The following OXCT1 variants were observed in gnomAD, a reference collection of about 807,000 sequenced individuals.
The protein encoded by OXCT1 is 3-oxoacid CoA-transferase 1.
Under a neutral mutation model 69.6 loss-of-function variants are expected in OXCT1, and 27 were observed. The ratio of observed to expected loss-of-function variants is 0.39; its 90% CI spans 0.29 to 0.54. The LOEUF is 0.54. Among genes scored for constraint, OXCT1 ranks in the 20% least tolerant of loss-of-function variants. The probability of loss-of-function intolerance (pLI) is 0.72; values close to 1 mark genes in which losing one functional copy is unlikely to be tolerated. For synonymous variants in OXCT1, 202 were observed against 217.8 expected (o/e 0.93, Z 0.64); for missense variants, 437 against 650.2 (o/e 0.67, Z 3.57).
At position 41,741,089 on chromosome 5, in the gene OXCT1, T is replaced by C. The variant is rs970220810; in HGVS notation, c.1420-1598A>G. On this transcript the variant is annotated intron_variant, in intron 15 of 16. Coordinates refer to ENST00000196371, the MANE Select transcript of OXCT1 (RefSeq NM_000436.4). The stretch of plus-strand genomic sequence containing the variant: ...CCTCAGCCTCCTGAGTAGCTGGGAT[T>C]ACAGGCATGCCCCACCACATCCAGC... Among the ~76,000 whole-genome samples the C allele has an allele frequency of 4.5e-4, 68 of 152,036 alleles. 1 individual carries two copies. The highest frequency in any genetic ancestry group is 8.8e-5 in the Non-Finnish European group (6 of 68,010).
chr5:41,778,652 G>C (rs1477352229), intron 13 of OXCT1, among the ~76,000 whole-genome samples: 1 of 152,188 alleles, frequency 6.6e-6, no homozygotes, highest in African/African-American at 2.4e-5. Flanking sequence ...CTGCTAGTAT[G>C]ATCGAGTGCT....
At chr5:41,843,054 G>A (rs138307801) in intron 5 of OXCT1, among the ~76,000 whole-genome samples, 3 of 152,220 alleles carry the variant, frequency 2.0e-5, no homozygotes, top group African/African-American at 7.2e-5. Context: ...TGGCCTGAGG[G>A]ATAGACTATT....
At position 41,731,546 on chromosome 5, in the gene OXCT1, C is replaced by A. The variant is rs1742625628; in HGVS notation, c.*183G>T. 1 of 1,013,736 alleles carries A rather than the reference C, an allele frequency of 9.9e-7. No homozygotes were observed. The highest frequency in any genetic ancestry group is 1.4e-6 in the Non-Finnish European group (1 of 706,610). The allele number at this position is 1,013,736 out of a possible 1,614,324, so 62.8% of individuals were successfully genotyped here. On this transcript the variant is annotated 3_prime_UTR_variant, in exon 17 of 17. Transcript: ENST00000196371. ...GAGATAATTATAAATGCTCCTTTTG[C>A]TTTTTATTAAAATGTCACAGCATGC...
intron 13 of OXCT1, among the ~76,000 whole-genome samples, chr5:41,764,156 C>G (rs1744484914): frequency 6.6e-6 from 1 of 152,032 alleles, no homozygotes; most frequent in South Asian, 2.1e-4. Flanking sequence ...TATTTTGATT[C>G]TTAAATTTAA....
At chr5:41,847,107 G>A (rs533450514) in intron 5 of OXCT1, among the ~76,000 whole-genome samples, 2,765 of 151,688 alleles carry the variant, frequency 0.018, 86 homozygotes, top group African/African-American at 0.06. Flanking sequence ...TATCACCACC[G>A]ATCCCACAGA....
intron 7 of OXCT1, among the ~76,000 whole-genome samples, chr5:41,819,370 G>T (rs1161615802): frequency 6.6e-6 from 1 of 151,292 alleles, no homozygotes; most frequent in African/African-American, 2.4e-5. Context: ...TCCTTTTTTG[G>T]GGGGGATTGG....
intron 11 of OXCT1, among the ~76,000 whole-genome samples, chr5:41,798,219 A>G (rs1254853402): frequency 1.3e-5 from 2 of 152,170 alleles, no homozygotes; most frequent in African/African-American, 2.4e-5. Context: ...TGGGTACACA[A>G]AAGTATCCTT....
chr5:41,781,437 T>C (rs1160073718), intron 13 of OXCT1, among the ~76,000 whole-genome samples: 1 of 143,702 alleles, frequency 7.0e-6, no homozygotes, highest in East Asian at 2.0e-4. Flanking sequence ...CAGCTGCTGC[T>C]TTTTTTTTTT....
At chr5:41,741,132 A>G (rs547657022) in intron 15 of OXCT1, among the ~76,000 whole-genome samples, 1 of 152,050 alleles carries the variant, frequency 6.6e-6, no homozygotes, top group East Asian at 1.9e-4. Flanking sequence ...TTGTATTTTT[A>G]GTAGAGATGA....
At chr5:41,750,347 C>G (rs1033313429) in intron 14 of OXCT1, among the ~76,000 whole-genome samples, 8 of 151,928 alleles carry the variant, frequency 5.3e-5, no homozygotes, top group African/African-American at 1.9e-4. Flanking sequence ...CCTCCTCCAG[C>G]CCCTCCTCCC....
Position 41,762,152 on chromosome 5 carries a change from C to T in OXCT1, c.1297G>A (p.Ala433Thr). 1.2e-6 allele frequency: 2 copies of T among 1,613,398 alleles called. No homozygotes were observed. The highest frequency in any genetic ancestry group is 1.7e-6 in the Non-Finnish European group (2 of 1,179,484). The change falls in exon 14 of 17, where the codon GCG becomes ACG. Residue 433 changes from alanine to threonine, a missense_variant. Ala to Thr is a moderately conservative substitution (Grantham distance 58, BLOSUM62 0). Coordinates refer to ENST00000196371, the MANE Select transcript of OXCT1 (RefSeq NM_000436.4). This position sits in a 1 kb window ranked among gnomAD's most constrained non-coding sequence, Gnocchi z 4.0. ...MGGAMDLVSS[A>T]KTKVVVTMEH... ...ATGGTGACCACCACTTTGGTTTTCGCACTGGACACTAAATCCATAGCACCT... is the reference window on the plus strand; with the variant it reads ...ATGGTGACCACCACTTTGGTTTTCGTACTGGACACTAAATCCATAGCACCT...
chr5:41,736,516 T>C (rs913465764), intron 16 of OXCT1, among the ~76,000 whole-genome samples: 3 of 152,362 alleles, frequency 2.0e-5, no homozygotes, highest in African/African-American at 7.2e-5. Flanking sequence ...ATTCTTTTTT[T>C]TAACAGTGCC....
At chr5:41,776,365 G>C (rs1039802887) in intron 13 of OXCT1, among the ~76,000 whole-genome samples, 4 of 152,174 alleles carry the variant, frequency 2.6e-5, no homozygotes, top group African/African-American at 7.2e-5. Context: ...TGGAAACTCT[G>C]TACTATCTCT....
chr5:41,781,138 C>T (rs958284343), intron 13 of OXCT1, among the ~76,000 whole-genome samples: 1 of 151,998 alleles, frequency 6.6e-6, no homozygotes, highest in African/African-American at 2.4e-5. Context: ...CTCCTGACCT[C>T]GTGATCTGCC....
chr5:41,869,490 A>G (rs1460725176), intron 1 of OXCT1, among the ~76,000 whole-genome samples: 1 of 152,186 alleles, frequency 6.6e-6, no homozygotes, highest in Non-Finnish European at 1.5e-5. Context: ...CCACGGTGGG[A>G]ATGCCTCCGG....
At chr5:41,794,612 C>T in intron 12 of OXCT1, 65 bp downstream of exon 12, 3 of 1,429,110 alleles carry the variant, frequency 2.1e-6, no homozygotes, top group Admixed American at 3.4e-5. Context: ...CTTGCTAACA[C>T]ACTCAGACGA....
chr5:41,735,098 T>C (rs1205890262), intron 16 of OXCT1, among the ~76,000 whole-genome samples: 1 of 152,176 alleles, frequency 6.6e-6, no homozygotes, highest in Non-Finnish European at 1.5e-5. Context: ...CTGAATTATA[T>C]ATCTAAAAAA....
chr5:41,755,887 G>T (rs987950369), intron 14 of OXCT1, among the ~76,000 whole-genome samples: 1 of 152,148 alleles, frequency 6.6e-6, no homozygotes, highest in African/African-American at 2.4e-5. Context: ...TCCTTTACAA[G>T]ACTGTAAACA....
intron 2 of OXCT1, 98 bp from the exon 3 acceptor site, chr5:41,861,502 G>A: frequency 2.5e-6 from 2 of 813,200 alleles, no homozygotes; most frequent in Admixed American, 3.4e-5. Context: ...ATAAAACAAA[G>A]CACATTATTA....
Sources: gnomAD v4.1 joint callset for allele counts (sites outside exome capture counted in the v4.1 genomes callset) on GRCh38, gnomAD v4.1.1 for gene constraint, Gnocchi (gnomAD v3.1) non-coding constraint, MANE v1.5 for transcripts, NCBI Gene and HGNC (gene_info 2026-07-23, HGNC 2026-07-21) for gene names.